Variants in TAF9B observed in about 807,000 individuals in gnomAD.
TAF9B encodes TATA-box binding protein associated factor 9b, also known as transcription initiation factor TFIID subunit 9B.
Under a neutral mutation model 17.6 loss-of-function variants are expected in TAF9B, and 47 were observed. That is an observed-to-expected ratio of 2.68 (90% CI 2.12 to 3.41). TAF9B has a LOEUF of 3.41. Ranked by LOEUF, TAF9B falls within the 30% of genes most tolerant of loss-of-function variation. TAF9B has a pLI of 0.00. For synonymous variants in TAF9B, 84 were observed against 68.7 expected (o/e 1.22, Z -1.10); for missense variants, 218 against 189.3 (o/e 1.15, Z -0.89).
rs782344331 is a variant in TAF9B at position 78,130,643 on chromosome X, G to T, written c.*967C>A. On this transcript the variant is annotated 3_prime_UTR_variant, in exon 7 of 7. Transcript: ENST00000341864. ...TAAAAAGGAACACTTGTTCTTCAGT[G>T]GTTTTGCCTAGGTCCAGTGTAATTA... 1 of 112,386 alleles carries T rather than the reference G, an allele frequency of 8.9e-6. No homozygotes were observed. Among genetic ancestry groups the T allele is most frequent in the Admixed American group, 9.5e-5 (1 of 10,543 alleles). The allele number at this position is 112,386 out of a possible 1,213,427, so 9.3% of individuals were successfully genotyped here.
chrX:78,138,525 G>A (rs1557250324), intron 2 of TAF9B, among the ~76,000 whole-genome samples: 1 of 112,572 alleles, frequency 8.9e-6, no homozygotes. Flanking sequence ...TTGGGAGGCC[G>A]AGATGGGGGG....
In TAF9B at chrX:78,133,422, T is replaced by G; in HGVS notation, c.508A>C (p.Asn170His). 1 of 1,210,555 alleles carries G rather than the reference T, an allele frequency of 8.3e-7. No individual in the cohort carries two copies. Among genetic ancestry groups the G allele is most frequent in the South Asian group, 1.8e-5 (1 of 56,964 alleles). ...ACTGACATTGGAGTTGCAACTTTAT[T>G]TGGGACAGACACCGTTTGTGGGGTT... is the stretch of plus-strand genomic sequence containing the variant. Reference protein sequence around the residue: ...IATPQTVSVPNKVATPMSVTS... With the variant: ...IATPQTVSVPHKVATPMSVTS... Residue 170 changes from asparagine (N) to histidine (H), a missense_variant, in exon 6 of 7, where the codon AAT becomes CAT. By Grantham distance (68) the Asn-to-His change is moderately conservative. Transcript: ENST00000341864.
At chrX:78,139,060 C>T in intron 1 of TAF9B, 136 bp from the exon 2 acceptor site, 1 of 471,700 alleles carries the variant, frequency 2.1e-6, no homozygotes, top group Non-Finnish European at 3.5e-6. Flanking sequence ...CTTGCCCTCC[C>T]AAGTGAGTCA....
rs782455442 is a variant in TAF9B, at chrX:78,131,625, GTCA to G, written c.738_740del (p.Asp247del). On this transcript the variant is annotated inframe_deletion, in exon 7 of 7. Coordinates refer to ENST00000341864, the MANE Select transcript of TAF9B (RefSeq NM_015975.5). ...ACTATATTCCTTACATAATATCATT[GTCA>G]TCATCATCTTCATGTTTTCTCTTCA... 6.3e-5 allele frequency: 76 copies of G among 1,208,308 alleles called. No homozygotes were observed. In the Admixed American group the frequency reaches 8.8e-4, roughly 14 times the overall value.
intron 6 of TAF9B, among the ~76,000 whole-genome samples, chrX:78,132,307 A>G (rs782769987): frequency 6.3e-5 from 7 of 111,997 alleles, no homozygotes; most frequent in African/African-American, 2.3e-4. Context: ...AATTGTGTAT[A>G]TGTACGGGAT....
Position 78,131,734 on chromosome X carries a change from G to A in TAF9B, c.632C>T (p.Pro211Leu), listed in dbSNP as rs781994934. ...TTAVQNVLIN[P>L]SMIGPKNILI... is the part of the protein sequence containing the mutation. ...AATATTTTTGGGCCCAATCATTGAA[G>A]GATTAATCAGAACATTTTGAACTGC... is the stretch of plus-strand genomic sequence containing the variant. Residue 211 changes from proline to leucine, a missense_variant, in exon 7 of 7, where the codon CCT becomes CTT. Transcript: ENST00000341864. The A allele has an allele frequency of 2.5e-6, 3 of 1,210,000 alleles. No homozygotes were observed. The highest frequency in any genetic ancestry group is 1.8e-5 in the South Asian group (1 of 56,735).
At position 78,131,789 on chromosome X, in the gene TAF9B, A is replaced by C. The variant is rs146486818; in HGVS notation, c.593-16T>G. 2,914 of 1,195,788 alleles carry C rather than the reference A, an allele frequency of 2.4e-3. 52 individuals carry two copies. In the African/African-American group the frequency reaches 0.046, roughly 19 times the overall value. On this transcript the variant is annotated splice_polypyrimidine_tract_variant and intron_variant, in intron 6 of 6. Coordinates refer to ENST00000341864, the MANE Select transcript of TAF9B (RefSeq NM_015975.5). ...GTTGCAGGAACTGTAAACAGAGAAGAAAGCCCCCCCAAAACCAAGCTATGA... is the reference window on the plus strand; with the variant it reads ...GTTGCAGGAACTGTAAACAGAGAAGCAAGCCCCCCCAAAACCAAGCTATGA...
rs781843462 is a variant in TAF9B at position 78,131,796 on chromosome X, C to T, written c.593-23G>A. 9.3e-6 allele frequency: 11 copies of T among 1,182,822 alleles called. No individual in the cohort carries two copies. The South Asian group carries it at 1.7e-4, about 18-fold the overall frequency. On this transcript the variant is annotated intron_variant, in intron 6 of 6. Coordinates refer to ENST00000341864, the MANE Select transcript of TAF9B (RefSeq NM_015975.5). Reference sequence around the variant, plus strand: ...GAACTGTAAACAGAGAAGAAAGCCCCCCCAAAACCAAGCTATGAATTACCC... The same window carrying T: ...GAACTGTAAACAGAGAAGAAAGCCCTCCCAAAACCAAGCTATGAATTACCC...
intron 5 of TAF9B, among the ~76,000 whole-genome samples, chrX:78,135,834 CACAG>C (rs1373428300): frequency 8.9e-6 from 1 of 111,741 alleles, no homozygotes; most frequent in Non-Finnish European, 1.9e-5. Context: ...AATGTGAACC[CACAG>C]ACAAACAGTA....
chrX:78,138,138 C>G, intron 2 of TAF9B, 40 bp from the exon 3 acceptor site: 1 of 1,116,470 alleles, frequency 9.0e-7, no homozygotes, highest in South Asian at 2.1e-5. Flanking sequence ...CATATGAAGA[C>G]AGCTTAATAT....
intron 5 of TAF9B, among the ~76,000 whole-genome samples, chrX:78,136,620 G>A (rs782724340): frequency 8.9e-6 from 1 of 111,969 alleles, no homozygotes; most frequent in African/African-American, 3.2e-5. Flanking sequence ...TATAGAAGGC[G>A]TAAAGTACAC....
rs1351258857 is a variant in TAF9B at position 78,137,881 on chromosome X, AAACTT to A, written c.271-3_272del. On this transcript the variant is annotated splice_acceptor_variant and splice_polypyrimidine_tract_variant and coding_sequence_variant and intron_variant, in exon 4 of 7. Transcript: ENST00000341864. LOFTEE classifies it high-confidence loss of function. The stretch of plus-strand genomic sequence containing the variant: ...TTTTCTGCCTTGCGATATCCAGTAA[AAACTT>A]AAAAAAAAAATCCTTATTAGAACTA... 8.4e-7 allele frequency: 1 copy of A among 1,195,110 alleles called. No homozygotes were observed. Among genetic ancestry groups the A allele is most frequent in the Non-Finnish European group, 1.1e-6 (1 of 891,417 alleles).
intron 5 of TAF9B, 44 bp downstream of exon 5, chrX:78,136,871 C>G: frequency 1.0e-6 from 1 of 1,001,255 alleles, no homozygotes; most frequent in African/African-American, 1.9e-5. Context: ...AGTGCTGAGG[C>G]ACTGCTTTAC....
At chrX:78,134,750 G>A (rs1488812337) in intron 5 of TAF9B, among the ~76,000 whole-genome samples, 1 of 111,436 alleles carries the variant, frequency 9.0e-6, no homozygotes, top group African/African-American at 3.3e-5. Flanking sequence ...TTGGTGAAGC[G>A]TAATGAAGCA....
rs1285245003 is a variant in TAF9B, at chrX:78,137,884, CTT to C, written c.271-3_271-2del. 8.4e-7 allele frequency: 1 copy of C among 1,193,481 alleles called. No individual in the cohort carries two copies. The highest frequency in any genetic ancestry group is 1.1e-6 in the Non-Finnish European group (1 of 890,810). On this transcript the variant is annotated splice_acceptor_variant and splice_polypyrimidine_tract_variant and intron_variant, in intron 3 of 6. Transcript: ENST00000341864. LOFTEE classifies it high-confidence loss of function. ...TCTGCCTTGCGATATCCAGTAAAAACTTAAAAAAAAAATCCTTATTAGAACTA... is the reference window on the plus strand; with the variant it reads ...TCTGCCTTGCGATATCCAGTAAAAACAAAAAAAAAATCCTTATTAGAACTA...
chrX:78,138,092 A>T lies in TAF9B; in HGVS notation c.140T>A (p.Val47Glu), dbSNP rs782181450. ...TTTTGCATCATCCAGAATTGTAGTC[A>T]CATAACCTATAAGAACAAAACAATC... ...NQMLEFAFRY[V>E]TTILDDAKIY... Residue 47 changes from valine to glutamate, a missense_variant, in exon 3 of 7, where the codon GTG (valine) becomes GAG (glutamate). By Grantham distance (121) the Val-to-Glu change is moderately radical (BLOSUM62 -2). Coordinates refer to ENST00000341864, the MANE Select transcript of TAF9B (RefSeq NM_015975.5). 4 of 1,198,081 alleles carry T rather than the reference A, an allele frequency of 3.3e-6. No individual in the cohort carries two copies. Among genetic ancestry groups the T allele is most frequent in the African/African-American group, 1.7e-5 (1 of 57,220 alleles).
rs1233228541 is a variant in TAF9B at position 78,130,311 on chromosome X, G to A, written c.*1299C>T. The A allele has an allele frequency of 8.9e-6, 1 of 112,292 alleles. No homozygotes were observed. Among genetic ancestry groups the A allele is most frequent in the African/African-American group, 3.2e-5 (1 of 30,918 alleles). The allele number at this position is 112,292 out of a possible 1,213,427, so 9.3% of individuals were successfully genotyped here. ...TGAACTTAAGAAAAACAAAACAGGTGTGTTTATATTCTCAAAAGCTTTGCC... is the reference window on the plus strand; with the variant it reads ...TGAACTTAAGAAAAACAAAACAGGTATGTTTATATTCTCAAAAGCTTTGCC... On this transcript the variant is annotated 3_prime_UTR_variant, in exon 7 of 7. Transcript: ENST00000341864.
chrX:78,132,093 A>G (rs1557249573), intron 6 of TAF9B, among the ~76,000 whole-genome samples: 7 of 111,680 alleles, frequency 6.3e-5, no homozygotes, highest in Admixed American at 5.7e-4. Context: ...TCCTGAGTTC[A>G]AGTGATTCTC....
At position 78,133,372 on chromosome X, in the gene TAF9B, C is replaced by G; in HGVS notation, c.558G>C (p.Gln186His). The G allele has an allele frequency of 8.3e-7, 1 of 1,211,525 alleles. No individual in the cohort carries two copies. The highest frequency in any genetic ancestry group is 1.1e-6 in the Non-Finnish European group (1 of 895,013). The change falls in exon 6 of 7, where the codon CAG (glutamine) becomes CAC (histidine). Residue 186 changes from glutamine (Q) to histidine (H), a missense_variant. By Grantham distance (24) the Gln-to-His change is conservative (BLOSUM62 0). Coordinates refer to ENST00000341864, the MANE Select transcript of TAF9B (RefSeq NM_015975.5). ...CAGGTGTGGACTGAGAAGGTGGAATCTGCACCGTAAATCTTTGGCTTGTCA... is the reference window on the plus strand; with the variant it reads ...CAGGTGTGGACTGAGAAGGTGGAATGTGCACCGTAAATCTTTGGCTTGTCA... ...MSVTSQRFTVQIPPSQSTPVK... is the reference protein window; with the variant it reads ...MSVTSQRFTVHIPPSQSTPVK...
Sources: gnomAD v4.1 joint callset for allele counts (sites outside exome capture counted in the v4.1 genomes callset) on GRCh38, gnomAD v4.1.1 for gene constraint, MANE v1.5 for transcripts, NCBI Gene and HGNC (gene_info 2026-07-23, HGNC 2026-07-21) for gene names.